Variants in SLC2A9 observed in about 807,000 individuals in gnomAD.
The protein encoded by SLC2A9 is solute carrier family 2, facilitated glucose transporter member 9.
Under a neutral mutation model 50.6 loss-of-function variants are expected in SLC2A9, and 39 were observed. The observed-to-expected ratio is 0.77, with a 90% CI of 0.60 to 1.01. The LOEUF (loss-of-function observed/expected upper bound fraction) is 1.01, where lower values mean the gene tolerates loss of function less well. SLC2A9 is among the 50% of genes least tolerant of loss of function. SLC2A9 has a pLI of 0.00. For synonymous variants in SLC2A9, 324 were observed against 276.9 expected (o/e 1.17, Z -1.69); for missense variants, 686 against 677.6 (o/e 1.01, Z -0.14).
chr4:9,918,712 A>G (rs910976801), intron 7 of SLC2A9, among the ~76,000 whole-genome samples: 1 of 152,152 alleles, frequency 6.6e-6, no homozygotes, highest in Non-Finnish European at 1.5e-5. Flanking sequence ...AGTGACGGGG[A>G]GCAGCTGGCC....
At chr4:9,824,068 T>C (rs1724774898), downstream of SLC2A9, among the ~76,000 whole-genome samples, 1 of 152,100 alleles carries the variant, frequency 6.6e-6, no homozygotes, top group Admixed American at 6.5e-5. Context: ...GCAGAGTCTT[T>C]AAAAGGTAGT....
upstream of SLC2A9, chr4:10,021,568 A>T: frequency 7.6e-7 from 1 of 1,314,464 alleles, no homozygotes; most frequent in Non-Finnish European, 1.1e-6. Flanking sequence ...ATCATGCCTG[A>T]ACAGGCAACG....
intron 10 of SLC2A9, among the ~76,000 whole-genome samples, chr4:9,861,337 G>A (rs1230151789): frequency 1.3e-5 from 2 of 151,940 alleles, no homozygotes; most frequent in African/African-American, 4.8e-5. Flanking sequence ...TTAAAATGAT[G>A]ATAGTGAGAA....
chr4:9,937,833 G>A (rs1322529280), intron 6 of SLC2A9, among the ~76,000 whole-genome samples: 1 of 152,130 alleles, frequency 6.6e-6, no homozygotes, highest in Non-Finnish European at 1.5e-5. Flanking sequence ...TTGGTGCACA[G>A]GTGAGGGAGT....
intron 10 of SLC2A9, among the ~76,000 whole-genome samples, chr4:9,876,728 G>A (rs184938933): frequency 4.9e-4 from 75 of 152,310 alleles, no homozygotes; most frequent in Non-Finnish European, 8.5e-4. Flanking sequence ...GTTTTAGATA[G>A]CTCATCTTTT....
At chr4:10,007,087 T>A (rs1240913281) in intron 2 of SLC2A9, among the ~76,000 whole-genome samples, 1 of 152,254 alleles carries the variant, frequency 6.6e-6, no homozygotes, top group Non-Finnish European at 1.5e-5. Flanking sequence ...TAGCATTGTG[T>A]TCCACCACTG....
intron 6 of SLC2A9, among the ~76,000 whole-genome samples, chr4:9,941,540 T>C (rs1035222548): frequency 1.3e-5 from 2 of 152,134 alleles, no homozygotes; most frequent in Admixed American, 6.5e-5. Context: ...GGAGAAGAAG[T>C]GGAAGGAGGG....
At chr4:9,983,970 G>C (rs1364176737) in intron 4 of SLC2A9, among the ~76,000 whole-genome samples, 1 of 151,936 alleles carries the variant, frequency 6.6e-6, no homozygotes, top group African/African-American at 2.4e-5. Flanking sequence ...AAATGAACAT[G>C]AGAAAACAGT....
intron 6 of SLC2A9, among the ~76,000 whole-genome samples, chr4:9,932,178 C>T (rs1746270972): frequency 3.3e-5 from 5 of 151,526 alleles, no homozygotes; most frequent in Admixed American, 2.0e-4. Context: ...GAAACTGCTT[C>T]ATGTTCCCAC....
intron 10 of SLC2A9, among the ~76,000 whole-genome samples, chr4:9,854,714 CA>C (rs1730473011): frequency 1.3e-5 from 2 of 152,248 alleles, no homozygotes; most frequent in African/African-American, 4.8e-5. Context: ...AAATCCTCAA[CA>C]AAATCCTAGC....
chr4:9,885,993 C>T (rs1000569129), intron 10 of SLC2A9, among the ~76,000 whole-genome samples: 1 of 152,208 alleles, frequency 6.6e-6, no homozygotes, highest in Admixed American at 6.5e-5. Flanking sequence ...ACCAACATGC[C>T]TGTGAACAAT....
downstream of SLC2A9, among the ~76,000 whole-genome samples, chr4:9,774,833 A>G (rs1717330894): frequency 6.7e-6 from 1 of 149,958 alleles, no homozygotes; most frequent in African/African-American, 2.5e-5. Flanking sequence ...CTCTCCCTTT[A>G]ATTTGCTCTA....
chr4:9,834,224 G>A (rs535858826), intron 11 of SLC2A9, among the ~76,000 whole-genome samples: 1 of 152,292 alleles, frequency 6.6e-6, no homozygotes, highest in East Asian at 1.9e-4. Context: ...ATTTAAAATA[G>A]CACTTATGCC....
At chr4:9,862,860 T>A (rs1164965070) in intron 10 of SLC2A9, among the ~76,000 whole-genome samples, 1 of 152,082 alleles carries the variant, frequency 6.6e-6, no homozygotes, top group Non-Finnish European at 1.5e-5. Context: ...TGTAGTGGCC[T>A]GTGTCATTCG....
upstream of SLC2A9, chr4:10,025,640 G>T (rs918070850): frequency 2.8e-5 from 13 of 470,444 alleles, no homozygotes; most frequent in Non-Finnish European, 3.9e-5. Flanking sequence ...GTTGAGAAAT[G>T]ACCTTTGTAA....
chr4:9,808,068 C>T (rs1192437245), intron 3 of SLC2A9, among the ~76,000 whole-genome samples: 1 of 152,216 alleles, frequency 6.6e-6, no homozygotes, highest in Non-Finnish European at 1.5e-5. Flanking sequence ...ATTGCCATCT[C>T]TGGGCTGGGT....
At chr4:9,938,604 C>T (rs1206277044) in intron 6 of SLC2A9, among the ~76,000 whole-genome samples, 1 of 152,110 alleles carries the variant, frequency 6.6e-6, no homozygotes, top group Non-Finnish European at 1.5e-5. Flanking sequence ...TTTATGTGCA[C>T]GTTATGTCTT....
intron 5 of SLC2A9, among the ~76,000 whole-genome samples, chr4:9,949,019 C>A (rs75113496): frequency 1.2e-4 from 18 of 152,178 alleles, no homozygotes; most frequent in Non-Finnish European, 1.5e-5. Context: ...TAGCAAAGGA[C>A]GCTCCTAGGC....
rs59518418 is a variant in SLC2A9, at chr4:9,802,935, C to T, written n.421-3694G>A. Among the ~76,000 whole-genome samples the T allele has an allele frequency of 5.6e-3, 847 of 152,226 alleles. 30 individuals carry two copies. The East Asian group carries it at 0.08, about 14-fold the overall frequency. ...TTGTACTCTATCACAGAACCCTTTC[C>T]GAAGACCCCAATTAACTTCCCCAGA... On this transcript the variant is annotated intron_variant and non_coding_transcript_variant, in intron 3 of 3. Transcript: ENST00000503280.
Sources: gnomAD v4.1 joint callset for allele counts (sites outside exome capture counted in the v4.1 genomes callset) on GRCh38, gnomAD v4.1.1 for gene constraint, MANE v1.5 for transcripts, NCBI Gene and HGNC (gene_info 2026-07-23, HGNC 2026-07-21) for gene names.